COG6: variants seen among roughly 807,000 people sequenced by gnomAD.
COG6 encodes the protein conserved oligomeric Golgi complex subunit 6.
A neutral mutation model predicts 88.8 loss-of-function variants in COG6; 74 were observed. That is an observed-to-expected ratio of 0.83 (90% CI 0.69 to 1.01). The LOEUF (loss-of-function observed/expected upper bound fraction) is 1.01. Ranked by LOEUF, COG6 falls within the 50% of genes least tolerant of loss-of-function variation. The pLI is 0.00. For synonymous variants in COG6, 286 were observed against 278.7 expected (o/e 1.03, Z -0.26); for missense variants, 800 against 797.9 (o/e 1.00, Z -0.03).
At chr13:39,662,757 T>C (rs1874989093) in intron 3 of COG6, among the ~76,000 whole-genome samples, 1 of 152,182 alleles carries the variant, frequency 6.6e-6, no homozygotes, top group Non-Finnish European at 1.5e-5. Context: ...AGGAGGTCCA[T>C]GATTTTGAAA....
intron 18 of COG6, among the ~76,000 whole-genome samples, chr13:39,739,492 G>T (rs1879937756): frequency 6.6e-6 from 1 of 152,046 alleles, no homozygotes; most frequent in Non-Finnish European, 1.5e-5. Context: ...TAAAAGTCAT[G>T]CTTAAGTAGG....
rs199625949 is a variant in COG6 at position 39,751,023 on chromosome 13, T to C, written c.1904T>C (p.Ile635Thr). Residue 635 changes from isoleucine to threonine, a missense_variant, in exon 19 of 19, where the codon ATC (isoleucine) becomes ACC (threonine). By Grantham distance (89) the Ile-to-Thr change is moderately conservative. Coordinates refer to ENST00000455146, the MANE Select transcript of COG6 (RefSeq NM_020751.3). ...GEVYAAVMNPINEYKDPENIL... is the reference protein window; with the variant it reads ...GEVYAAVMNPTNEYKDPENIL... Reference sequence around the variant, plus strand: ...GTGTATGCAGCCGTGATGAATCCAATCAATGAATACAAAGATCCAGAGAAC... The same window carrying C: ...GTGTATGCAGCCGTGATGAATCCAACCAATGAATACAAAGATCCAGAGAAC... 1.2e-4 allele frequency: 200 copies of C among 1,613,572 alleles called. No individual in the cohort carries two copies. Among genetic ancestry groups the C allele is most frequent in the Non-Finnish European group, 1.6e-4 (184 of 1,179,796 alleles).
At chr13:39,672,181 ATG>A (rs775431228) in intron 4 of COG6, among the ~76,000 whole-genome samples, 43 of 152,060 alleles carry the variant, frequency 2.8e-4, no homozygotes, top group Non-Finnish European at 5.3e-4. Context: ...AGCTGGAAGA[ATG>A]TATTAGATGC....
intron 15 of COG6, among the ~76,000 whole-genome samples, chr13:39,721,201 A>G (rs923427184): frequency 6.6e-6 from 1 of 152,212 alleles, no homozygotes; most frequent in African/African-American, 2.4e-5. Flanking sequence ...TTTATTACCA[A>G]TTATCTATGT....
chr13:39,749,994 G>A lies in COG6; in HGVS notation c.1827-952G>A, dbSNP rs1384807356. 2.6e-5 allele frequency among the ~76,000 whole-genome samples: 4 copies of A among 152,154 alleles called. No homozygotes were observed. In the East Asian group the frequency reaches 7.7e-4, roughly 29 times the overall value. ...GAGGGAAGAATAGATAGGAGTTTGT[G>A]TGTACTCCAGGCAAGAGGTCATTTT... On this transcript the variant is annotated intron_variant, in intron 18 of 18. Coordinates refer to ENST00000455146, the MANE Select transcript of COG6 (RefSeq NM_020751.3).
chr13:39,719,165 T>C lies in COG6; in HGVS notation c.1285-71T>C, dbSNP rs1228496315. 3 of 1,468,008 alleles carry C rather than the reference T, an allele frequency of 2.0e-6. No individual in the cohort carries two copies. The South Asian group carries it at 3.5e-5, about 17-fold the overall frequency. 90.9% of individuals were successfully genotyped at this position (1,468,008 alleles called of 1,614,324 possible). On this transcript the variant is annotated intron_variant, in intron 13 of 18. Transcript: ENST00000455146. Reference sequence around the variant, plus strand: ...ATAACTTTTACATTTTTTTTTACTATGAACTTACATTTATACATTAAAATT... The same window carrying C: ...ATAACTTTTACATTTTTTTTTACTACGAACTTACATTTATACATTAAAATT...
intron 18 of COG6, among the ~76,000 whole-genome samples, chr13:39,744,451 A>G (rs9548914): frequency 0.49 from 74,963 of 151,978 alleles, 19,014 homozygotes; most frequent in South Asian, 0.68. Context: ...GCATTCCTAT[A>G]CACCAATAAC....
At position 39,709,556 on chromosome 13, in the gene COG6, AT is replaced by A. The variant is rs957021492; in HGVS notation, c.1285-9677del. ...GAACATGCAATATTTGACTTTGTTT[AT>A]TTCACCTAAGATTATGGCCTGAAGT... On this transcript the variant is annotated intron_variant, in intron 13 of 18. Transcript: ENST00000455146. Among the ~76,000 whole-genome samples the A allele has an allele frequency of 5.5e-5, 8 of 146,496 alleles. No individual in the cohort carries two copies. The Admixed American group carries it at 5.7e-4, about 10-fold the overall frequency.
At chr13:39,677,602 T>C (rs747191996) in intron 5 of COG6, 23 bp downstream of exon 5, 20 of 1,405,734 alleles carry the variant, frequency 1.4e-5, no homozygotes, top group Non-Finnish European at 1.9e-5. Context: ...TCTGTTATAA[T>C]CATTTAAAGT....
At chr13:39,749,272 G>A (rs1267397882) in intron 18 of COG6, among the ~76,000 whole-genome samples, 1 of 152,170 alleles carries the variant, frequency 6.6e-6, no homozygotes, top group Non-Finnish European at 1.5e-5. Flanking sequence ...CAGTGAACAT[G>A]TATTTATTGA....
chr13:39,785,286 C>T lies in COG6; in HGVS notation c.1827-3049C>T, dbSNP rs558699407. The T allele has an allele frequency of 8.5e-5, 13 of 152,216 alleles. 1 individual carries two copies. In the South Asian group the frequency reaches 1.7e-3, roughly 19 times the overall value. The allele number at this position is 152,216 out of a possible 1,614,324, so 9.4% of individuals were successfully genotyped here. ...ATATCAGGGTATATAGTGAGGATGT[C>T]GGAAAACTGAAGGTAGTAAGGCAGG... On this transcript the variant is annotated intron_variant, in intron 18 of 18. Coordinates refer to the COG6 transcript ENST00000416691.
chr13:39,731,540 T>C (rs1879454398), intron 18 of COG6, among the ~76,000 whole-genome samples: 1 of 152,186 alleles, frequency 6.6e-6, no homozygotes, highest in African/African-American at 2.4e-5. Flanking sequence ...TCTCAATAAA[T>C]CTTTGCTTAT....
intron 6 of COG6, 98 bp downstream of exon 6, chr13:39,679,718 A>C: frequency 2.5e-6 from 2 of 814,586 alleles, no homozygotes; most frequent in South Asian, 1.4e-5. Context: ...CATTTTGTGA[A>C]ATAGAAGTTT....
intron 11 of COG6, among the ~76,000 whole-genome samples, chr13:39,694,039 A>T (rs1197503988): frequency 6.6e-6 from 1 of 151,818 alleles, no homozygotes; most frequent in East Asian, 1.9e-4. Flanking sequence ...TCAGTGAGGG[A>T]TGGAATTTAA....
chr13:39,699,026 T>G (rs1440674034), intron 12 of COG6, among the ~76,000 whole-genome samples: 1 of 151,872 alleles, frequency 6.6e-6, no homozygotes, highest in Admixed American at 6.6e-5. Context: ...GTATAAAAAT[T>G]GAGAAACTGA....
chr13:39,758,113 G>C (rs915806563), intron 18 of COG6, among the ~76,000 whole-genome samples: 1 of 151,496 alleles, frequency 6.6e-6, no homozygotes, highest in Non-Finnish European at 1.5e-5. Flanking sequence ...CCAGCTACTC[G>C]GGAGGCTGAG....
intron 13 of COG6, among the ~76,000 whole-genome samples, chr13:39,710,321 C>G: frequency 6.6e-6 from 1 of 151,922 alleles, no homozygotes; most frequent in South Asian, 2.1e-4. Context: ...TGATTTTGAT[C>G]GTTGATTCTG....
At position 39,655,814 on chromosome 13, in the gene COG6, A is replaced by T. The variant is rs1251894293; in HGVS notation, c.88A>T (p.Thr30Ser). The change falls in exon 1 of 19, where the codon ACG becomes TCG. Residue 30 changes from threonine (T) to serine (S), a missense_variant. Transcript: ENST00000455146. ...CAATGGGGCAGGCGGGACCTCGGCG[A>T]CGACCTGCAACCCGCTGTCGCGCAA... The part of the protein sequence containing the change: ...LNNGAGGTSA[T>S]TCNPLSRKLH... The T allele has an allele frequency of 6.2e-7, 1 of 1,600,864 alleles. No homozygotes were observed. The highest frequency in any genetic ancestry group is 1.7e-5 in the Admixed American group (1 of 58,746).
downstream of COG6, among the ~76,000 whole-genome samples, chr13:39,755,159 G>C (rs1335493590): frequency 2.6e-5 from 4 of 151,964 alleles, no homozygotes; most frequent in Admixed American, 2.6e-4. Flanking sequence ...CTAATCAAAA[G>C]ATCACAGTAA....
Sources: allele counts gnomAD v4.1 joint callset (sites outside exome capture counted in the v4.1 genomes callset), GRCh38; gene constraint gnomAD v4.1.1; transcripts MANE v1.5; gene names NCBI Gene and HGNC (gene_info 2026-07-23, HGNC 2026-07-21).